Variants in STXBP5 observed in about 807,000 individuals in gnomAD.
The protein encoded by STXBP5 is syntaxin binding protein 5.
A neutral mutation model predicts 152.4 loss-of-function variants in STXBP5; 50 were observed. The ratio of observed to expected loss-of-function variants is 0.33; its 90% CI spans 0.26 to 0.42. STXBP5 has a LOEUF of 0.42. STXBP5 is among the 10% of genes least tolerant of loss of function. The pLI, the probability that STXBP5 is intolerant of heterozygous loss-of-function variation, is 1.00. For missense variants in STXBP5, 1,167 were observed against 1,388.6 expected (o/e 0.84, Z 2.54); for synonymous variants, 492 against 494.7 (o/e 0.99, Z 0.07).
chr6:147,264,353 C>G (rs961832451), intron 6 of STXBP5, among the ~76,000 whole-genome samples: 1 of 152,110 alleles, frequency 6.6e-6, no homozygotes, highest in Non-Finnish European at 1.5e-5. Context: ...GTTTCAAGCA[C>G]TGTGCTTGCC....
At chr6:147,336,984 C>T (rs1291342463) in intron 19 of STXBP5, among the ~76,000 whole-genome samples, 5 of 151,746 alleles carry the variant, frequency 3.3e-5, no homozygotes, top group South Asian at 4.1e-4. Context: ...TATAGTTTGC[C>T]CTTTTCATTT....
rs9497753 is a variant in STXBP5, at chr6:147,337,192, G to C, written c.2147-1987G>C. Among the ~76,000 whole-genome samples the C allele has an allele frequency of 2.1e-3, 115 of 53,930 alleles. 1 individual carries two copies. Among genetic ancestry groups the C allele is most frequent in the Admixed American group, 0.011 (50 of 4,600 alleles). The allele number at this position is 53,930 out of a possible 152,430, so 35.4% of individuals were successfully genotyped here. A position where few individuals can be genotyped will look rare whatever the true frequency, so the allele number is the denominator to read the frequency against. ...AGATATATATATATACACATACATA[G>C]ACACACACACACACACACACACAAG... On this transcript the variant is annotated intron_variant, in intron 19 of 27. Coordinates refer to ENST00000321680, the MANE Select transcript of STXBP5 (RefSeq NM_001127715.4).
chr6:147,349,479 A>G (rs541710700), intron 21 of STXBP5, among the ~76,000 whole-genome samples: 32 of 152,334 alleles, frequency 2.1e-4, no homozygotes, highest in African/African-American at 7.7e-4. Context: ...CTGCATGTGT[A>G]TGTAAGTTTT....
intron 19 of STXBP5, among the ~76,000 whole-genome samples, chr6:147,336,722 A>T (rs1783842738): frequency 6.6e-6 from 1 of 152,152 alleles, no homozygotes. Context: ...GGAAAAGAAG[A>T]AATGTATAAA....
intron 9 of STXBP5, among the ~76,000 whole-genome samples, chr6:147,298,202 A>G (rs1047885268): frequency 4.6e-5 from 7 of 152,124 alleles, no homozygotes; most frequent in Admixed American, 2.6e-4. Flanking sequence ...TTTATAAAAT[A>G]TCAGATAAAA....
intron 8 of STXBP5, among the ~76,000 whole-genome samples, chr6:147,287,369 A>AT (rs1781031140): frequency 6.7e-6 from 1 of 150,102 alleles, no homozygotes; most frequent in East Asian, 2.0e-4. Flanking sequence ...CGCCCGGCTA[A>AT]TTTTTTGTAT....
intron 2 of STXBP5, among the ~76,000 whole-genome samples, chr6:147,212,222 C>T (rs1443400033): frequency 6.6e-6 from 1 of 152,142 alleles, no homozygotes; most frequent in Non-Finnish European, 1.5e-5. Flanking sequence ...TGATAGAAAC[C>T]ATGGAATTGA....
At chr6:147,312,583 A>G (rs1167144114) in intron 11 of STXBP5, among the ~76,000 whole-genome samples, 1 of 152,094 alleles carries the variant, frequency 6.6e-6, no homozygotes, top group Non-Finnish European at 1.5e-5. Context: ...GAGATGCTGC[A>G]AAACATCCAC....
intron 26 of STXBP5, among the ~76,000 whole-genome samples, chr6:147,375,518 A>C (rs1162592108): frequency 6.6e-6 from 1 of 151,950 alleles, no homozygotes; most frequent in Non-Finnish European, 1.5e-5. Context: ...AAAATAAAAC[A>C]TGTAGGAGAG....
At chr6:147,279,428 G>A (rs938341545) in intron 8 of STXBP5, among the ~76,000 whole-genome samples, 1 of 152,026 alleles carries the variant, frequency 6.6e-6, no homozygotes, top group African/African-American at 2.4e-5. Context: ...TTTAAAATTT[G>A]AATACCTACT....
At position 147,284,719 on chromosome 6, in the gene STXBP5, G is replaced by A. The variant is rs557163716; in HGVS notation, c.839-6375G>A. ...CATAAACAAAAGTGGGGTGTTCTTG[G>A]AAAACTGCTAATAGTTTAATATGAC... On this transcript the variant is annotated intron_variant, in intron 8 of 27. Transcript: ENST00000321680. Among the ~76,000 whole-genome samples, 8 of 152,320 alleles carry A rather than the reference G, an allele frequency of 5.3e-5. No homozygotes were observed. In the South Asian group the frequency reaches 1.7e-3, roughly 32 times the overall value.
At chr6:147,297,680 A>G (rs1781595981) in intron 9 of STXBP5, among the ~76,000 whole-genome samples, 2 of 152,170 alleles carry the variant, frequency 1.3e-5, no homozygotes, top group Non-Finnish European at 2.9e-5. Flanking sequence ...ATAAGGAGAT[A>G]TATAACAAAA....
At chr6:147,251,176 C>T (rs569403756) in intron 4 of STXBP5, among the ~76,000 whole-genome samples, 6 of 152,094 alleles carry the variant, frequency 3.9e-5, no homozygotes, top group African/African-American at 9.6e-5. Context: ...CACCCGGAAG[C>T]GGAAAGGGTC....
In STXBP5 at chr6:147,387,277, A is replaced by C. The variant is rs1400927992; in HGVS notation, c.*2522A>C. Reference sequence around the variant, plus strand: ...TTTTTTCTTTTTAAATACAGAAAGTAATAGTCACCAGCAAGCCACGATTTC... The same window carrying C: ...TTTTTTCTTTTTAAATACAGAAAGTCATAGTCACCAGCAAGCCACGATTTC... On this transcript the variant is annotated 3_prime_UTR_variant, in exon 28 of 28. Coordinates refer to ENST00000321680, the MANE Select transcript of STXBP5 (RefSeq NM_001127715.4). 1 of 151,702 alleles carries C rather than the reference A, an allele frequency of 6.6e-6. No individual in the cohort carries two copies. Among genetic ancestry groups the C allele is most frequent in the African/African-American group, 2.4e-5 (1 of 41,396 alleles). 9.4% of individuals were successfully genotyped at this position (151,702 alleles called of 1,614,324 possible).
rs1783549732 is a variant in STXBP5, at chr6:147,331,196, A to C, written c.2081-2961A>C. 3.3e-5 allele frequency among the ~76,000 whole-genome samples: 5 copies of C among 152,322 alleles called. 1 individual carries two copies. In the Middle Eastern group the frequency reaches 0.014, roughly 414 times the overall value. ...CCTGTCTGGACTTTTGAAAGAGAAG[A>C]TATGCTTATAAGAAGGGTCACTGTT... is the stretch of plus-strand genomic sequence containing the variant. On this transcript the variant is annotated intron_variant, in intron 18 of 27. Transcript: ENST00000321680.
chr6:147,334,104 AC>A, intron 18 of STXBP5, 52 bp from the exon 19 acceptor site: 1 of 1,564,300 alleles, frequency 6.4e-7, no homozygotes, highest in South Asian at 1.2e-5. Flanking sequence ...AAAAGACAAA[AC>A]TGCACTTACA....
chr6:147,248,795 A>G lies in STXBP5; in HGVS notation c.431+9525A>G, dbSNP rs553359448. 3.9e-5 allele frequency among the ~76,000 whole-genome samples: 6 copies of G among 152,290 alleles called. No individual in the cohort carries two copies. In the South Asian group the frequency reaches 8.3e-4, roughly 21 times the overall value. ...TTTTGCCAGATGTATTTCAGTTCCCAAATTAGTTGACCTTAAAATACGAAG... is the reference window on the plus strand; with the variant it reads ...TTTTGCCAGATGTATTTCAGTTCCCGAATTAGTTGACCTTAAAATACGAAG... On this transcript the variant is annotated intron_variant, in intron 4 of 27. Coordinates refer to ENST00000321680, the MANE Select transcript of STXBP5 (RefSeq NM_001127715.4).
intron 23 of STXBP5, among the ~76,000 whole-genome samples, chr6:147,362,707 C>T (rs1368081200): frequency 6.6e-6 from 1 of 152,042 alleles, no homozygotes; most frequent in South Asian, 2.1e-4. Context: ...CTAGCAGTCA[C>T]ATTAAAAAAG....
chr6:147,235,250 C>G lies in STXBP5; in HGVS notation c.249C>G (p.Leu83=). ...AACTCCTTAATGGAATTAATTACAG[C>G]TTTGGTCGTCCAGGAGTAGAATGTT... The part of the protein sequence containing the change: ...AVGTQTGALR[L]FGRPGVECYC... The change falls in exon 3 of 28, where the codon CTC becomes CTG. Residue 83 remains leucine (L), a splice_region_variant and synonymous_variant. Transcript: ENST00000321680. 1 of 1,613,062 alleles carries G rather than the reference C, an allele frequency of 6.2e-7. No individual in the cohort carries two copies.
Sources: allele counts gnomAD v4.1 joint callset (sites outside exome capture counted in the v4.1 genomes callset), GRCh38; gene constraint gnomAD v4.1.1; transcripts MANE v1.5; gene names NCBI Gene and HGNC (gene_info 2026-07-23, HGNC 2026-07-21).